The following CCDC91 variants were observed in gnomAD, a reference collection of about 807,000 sequenced individuals.
The protein encoded by CCDC91 is coiled-coil domain containing 91.
In CCDC91, 48 loss-of-function variants were observed where a neutral mutation model predicts 63.2. The observed-to-expected ratio is 0.76, with a 90% CI of 0.60 to 0.97. CCDC91 has a LOEUF of 0.97. Ranked by LOEUF, CCDC91 falls within the 50% of genes least tolerant of loss-of-function variation. The pLI, the probability that CCDC91 is intolerant of heterozygous loss-of-function variation, is 0.00. For missense variants in CCDC91, 500 were observed against 494.6 expected, an observed-to-expected ratio of 1.01 and a Z score of -0.10; for synonymous variants, 167 against 165.8, an observed-to-expected ratio of 1.01 and a Z score of -0.06.
In CCDC91 at chr12:28,410,198, C is replaced by T. The variant is rs1180146899; in HGVS notation, c.762+18787C>T. 3.9e-5 allele frequency among the ~76,000 whole-genome samples: 6 copies of T among 152,126 alleles called. No homozygotes were observed. The East Asian group carries it at 1.2e-3, about 29-fold the overall frequency. ...CTGATTATTTTTTGAGTAGTTTTGA[C>T]ACACTTATATTTAGTGTATTCACAT... On this transcript the variant is annotated intron_variant, in intron 8 of 12. Coordinates refer to ENST00000536442, the MANE Select transcript of CCDC91 (RefSeq NM_018318.5).
At chr12:28,262,393 G>A (rs1278539755) in intron 3 of CCDC91, among the ~76,000 whole-genome samples, 1 of 151,984 alleles carries the variant, frequency 6.6e-6, no homozygotes, top group Non-Finnish European at 1.5e-5. Flanking sequence ...CTTGGGGTTA[G>A]GATAAAGGAT....
At chr12:28,378,731 G>C (rs958460373) in intron 7 of CCDC91, among the ~76,000 whole-genome samples, 1 of 151,908 alleles carries the variant, frequency 6.6e-6, no homozygotes, top group Non-Finnish European at 1.5e-5. Flanking sequence ...ATTTTTCCTG[G>C]ACAAATAAAG....
At chr12:28,391,932 A>G (rs756275512) in intron 8 of CCDC91, among the ~76,000 whole-genome samples, 11 of 152,192 alleles carry the variant, frequency 7.2e-5, no homozygotes, top group Non-Finnish European at 1.5e-4. Context: ...TAAATAATGT[A>G]TGTAAGAATT....
intron 8 of CCDC91, among the ~76,000 whole-genome samples, chr12:28,424,649 TA>T (rs1948207007): frequency 6.6e-6 from 1 of 152,186 alleles, no homozygotes; most frequent in Non-Finnish European, 1.5e-5. Flanking sequence ...TGTGTCATAT[TA>T]ATAATTTAAA....
rs1159371695 is a variant in CCDC91, at chr12:28,307,732, A to G, written c.559A>G (p.Arg187Gly). Residue 187 changes from arginine (R) to glycine (G), a missense_variant, in exon 6 of 13, where the codon AGA becomes GGA. Coordinates refer to ENST00000536442, the MANE Select transcript of CCDC91 (RefSeq NM_018318.5). ...GCAAGAGGCCATTTCTTTTCAAGAT[A>G]GATACAAAGAACTTCAGGTAAGGCG... is the stretch of plus-strand genomic sequence containing the variant. ...KEQEAISFQDRYKELQEKHKQ... is the reference protein window; with the variant it reads ...KEQEAISFQDGYKELQEKHKQ... 8.3e-6 allele frequency: 13 copies of G among 1,572,332 alleles called. No individual in the cohort carries two copies. The highest frequency in any genetic ancestry group is 2.3e-5 in the South Asian group (2 of 86,582).
At position 28,483,655 on chromosome 12, in the gene CCDC91, A is replaced by G. The variant is rs186407474; in HGVS notation, c.1102-397A>G. Among the ~76,000 whole-genome samples, 11 of 152,244 alleles carry G rather than the reference A, an allele frequency of 7.2e-5. No individual in the cohort carries two copies. In the East Asian group the frequency reaches 1.9e-3, roughly 27 times the overall value. Reference sequence around the variant, plus strand: ...CACACTTGATTATTGTGTGATGGCAAAATTAAACGTGAATAAAACAGGTAG... The same window carrying G: ...CACACTTGATTATTGTGTGATGGCAGAATTAAACGTGAATAAAACAGGTAG... On this transcript the variant is annotated intron_variant, in intron 11 of 12. Transcript: ENST00000536442.
chr12:28,278,052 A>G (rs1250208751), intron 3 of CCDC91, among the ~76,000 whole-genome samples: 2 of 152,018 alleles, frequency 1.3e-5, no homozygotes, highest in South Asian at 2.1e-4. Flanking sequence ...CCGCATGTTC[A>G]GATCACACTC....
At chr12:28,230,365 T>C (rs940303946) in intron 1 of CCDC91, among the ~76,000 whole-genome samples, 4 of 152,144 alleles carry the variant, frequency 2.6e-5, no homozygotes, top group Non-Finnish European at 5.9e-5. Context: ...GATGTTTGCA[T>C]GGTTTGAATT....
chr12:28,396,199 G>A (rs911755309), intron 8 of CCDC91, among the ~76,000 whole-genome samples: 6 of 152,186 alleles, frequency 3.9e-5, no homozygotes, highest in Non-Finnish European at 8.8e-5. Flanking sequence ...AGATTAGCAT[G>A]AAAGAGGCAG....
intron 8 of CCDC91, among the ~76,000 whole-genome samples, chr12:28,435,790 G>C (rs1461494104): frequency 6.6e-6 from 1 of 151,724 alleles, no homozygotes; most frequent in Admixed American, 6.6e-5. Context: ...TACTTTGGTT[G>C]TGGGTGAGTT....
At chr12:28,496,942 A>ATGTATATATATACATATATATATG (rs1565476832) in intron 12 of CCDC91, among the ~76,000 whole-genome samples, 5 of 140,288 alleles carry the variant, frequency 3.6e-5, no homozygotes, top group Non-Finnish European at 6.2e-5. Flanking sequence ...ATATATATAT[A>ATGTATATATATACATATATATATG]CATATATATA....
intron 3 of CCDC91, among the ~76,000 whole-genome samples, chr12:28,283,874 T>C (rs1440019840): frequency 1.3e-5 from 2 of 152,140 alleles, no homozygotes; most frequent in African/African-American, 4.8e-5. Flanking sequence ...AAATTTTGGA[T>C]TATTTTAGAT....
At chr12:28,198,831 T>TG (rs61381298) in intron 1 of CCDC91, 85,482 of 151,822 alleles carry the variant, frequency 0.56, 24,211 homozygotes, top group East Asian at 0.61. Context: ...AGTAATTTTT[T>TG]TCATTCCTTA....
intron 7 of CCDC91, among the ~76,000 whole-genome samples, chr12:28,381,624 T>C (rs1175222062): frequency 6.6e-6 from 1 of 152,128 alleles, no homozygotes; most frequent in African/African-American, 2.4e-5. Flanking sequence ...AACTAATCCA[T>C]AGTCTGCTTT....
chr12:28,260,606 C>T (rs891814245), intron 3 of CCDC91, among the ~76,000 whole-genome samples: 1 of 151,854 alleles, frequency 6.6e-6, no homozygotes, highest in Admixed American at 6.6e-5. Flanking sequence ...CAAACCCTCC[C>T]ATGTCTACGT....
chr12:28,325,331 G>A (rs1940888004), intron 6 of CCDC91, among the ~76,000 whole-genome samples: 1 of 151,918 alleles, frequency 6.6e-6, no homozygotes, highest in Non-Finnish European at 1.5e-5. Context: ...TAAGAAACAG[G>A]TTTATTCATA....
chr12:28,486,959 C>T (rs1951758285), intron 12 of CCDC91, among the ~76,000 whole-genome samples: 1 of 151,968 alleles, frequency 6.6e-6, no homozygotes, highest in Admixed American at 6.6e-5. Flanking sequence ...ACAGTAAGGA[C>T]TCAATAAATA....
At chr12:28,352,673 TTTATTA>T (rs942481465) in intron 6 of CCDC91, among the ~76,000 whole-genome samples, 1 of 152,158 alleles carries the variant, frequency 6.6e-6, no homozygotes, top group Non-Finnish European at 1.5e-5. Flanking sequence ...TGGAAAGGAA[TTTATTA>T]TTATTATTAT....
intron 12 of CCDC91, among the ~76,000 whole-genome samples, chr12:28,507,224 T>TA (rs1404435862): frequency 1.3e-5 from 2 of 151,964 alleles, no homozygotes; most frequent in Non-Finnish European, 2.9e-5. Context: ...TAAACAATCT[T>TA]AGTAATCCCA....
Sources: gnomAD v4.1 joint callset for allele counts (sites outside exome capture counted in the v4.1 genomes callset) on GRCh38, gnomAD v4.1.1 for gene constraint, MANE v1.5 for transcripts, NCBI Gene and HGNC (gene_info 2026-07-23, HGNC 2026-07-21) for gene names.